The following SLCO3A1 variants were observed in gnomAD, a reference collection of about 807,000 sequenced individuals.
SLCO3A1 encodes the protein solute carrier organic anion transporter family member 3A1.
Under a neutral mutation model 63.1 loss-of-function variants are expected in SLCO3A1, and 27 were observed. The ratio of observed to expected loss-of-function variants is 0.43; its 90% CI spans 0.32 to 0.59. The LOEUF is 0.59. Among genes scored for constraint, SLCO3A1 ranks in the 20% least tolerant of loss-of-function variants. The pLI is 0.09. For missense variants in SLCO3A1, 773 were observed against 945.8 expected (o/e 0.82, Z 2.40); for synonymous variants, 473 against 409.9 (o/e 1.15, Z -1.86).
chr15:91,871,766 T>G (rs866398988), intron 1 of SLCO3A1, among the ~76,000 whole-genome samples: 1,506 of 11,444 alleles, frequency 0.13, 37 homozygotes, highest in East Asian at 0.35. Context: ...TTTTTTTTGG[T>G]TTTTTTTTTT....
At chr15:92,099,376 G>A (rs1161910881) in intron 3 of SLCO3A1, among the ~76,000 whole-genome samples, 2 of 151,960 alleles carry the variant, frequency 1.3e-5, no homozygotes. Context: ...GTAACTTAAT[G>A]ATACTCTTGG....
At chr15:92,136,914 C>T (rs1021374750) in intron 7 of SLCO3A1, among the ~76,000 whole-genome samples, 5 of 143,168 alleles carry the variant, frequency 3.5e-5, no homozygotes, top group Admixed American at 2.9e-4. Flanking sequence ...AAGGGATGTT[C>T]TTCTACCTTT....
At chr15:92,028,630 T>C (rs931968801) in intron 2 of SLCO3A1, among the ~76,000 whole-genome samples, 1 of 152,104 alleles carries the variant, frequency 6.6e-6, no homozygotes, top group Non-Finnish European at 1.5e-5. Context: ...TAATGCAATA[T>C]TCAGACAGCC....
rs547859670 is a variant in SLCO3A1, at chr15:92,029,786, G to A, written c.647-65095G>A. On this transcript the variant is annotated intron_variant, in intron 2 of 9. Transcript: ENST00000318445. ...TCTGGCCCCAGGATCTGGGCTCCCA[G>A]TGCAGCTGAGGCCTGCTCACTTGGC... 5.8e-5 allele frequency among the ~76,000 whole-genome samples: 7 copies of A among 121,328 alleles called. No homozygotes were observed. The East Asian group carries it at 1.0e-3, about 18-fold the overall frequency. 79.6% of individuals were successfully genotyped at this position (121,328 alleles called of 152,430 possible).
intron 2 of SLCO3A1, among the ~76,000 whole-genome samples, chr15:91,940,053 TG>T (rs1899564974): frequency 6.6e-6 from 1 of 152,106 alleles, no homozygotes; most frequent in African/African-American, 2.4e-5. Flanking sequence ...ATGTTCCCAT[TG>T]GGCCCTAAGC....
At chr15:91,953,791 G>A (rs11855968) in intron 2 of SLCO3A1, among the ~76,000 whole-genome samples, 3,678 of 152,194 alleles carry the variant, frequency 0.024, 152 homozygotes, top group African/African-American at 0.084. Context: ...CCACACTGCT[G>A]TGACTCTGGG....
At chr15:91,945,636 G>A (rs1194305444) in intron 2 of SLCO3A1, among the ~76,000 whole-genome samples, 1 of 152,224 alleles carries the variant, frequency 6.6e-6, no homozygotes, top group African/African-American at 2.4e-5. Flanking sequence ...GAGTTGGAGA[G>A]GTGGCCACAG....
chr15:91,877,261 G>A (rs187578017), intron 1 of SLCO3A1, among the ~76,000 whole-genome samples: 1 of 152,228 alleles, frequency 6.6e-6, no homozygotes, highest in Non-Finnish European at 1.5e-5. Context: ...GATGATGGCT[G>A]TTCTCCTTGT....
intron 2 of SLCO3A1, among the ~76,000 whole-genome samples, chr15:92,075,509 A>G (rs985417142): frequency 1.3e-5 from 2 of 152,230 alleles, no homozygotes; most frequent in African/African-American, 4.8e-5. Flanking sequence ...GTGGGAACTC[A>G]TGCTGAAGCT....
intron 3 of SLCO3A1, among the ~76,000 whole-genome samples, chr15:92,097,256 AG>A (rs199719991): frequency 0.027 from 4,174 of 152,322 alleles, 91 homozygotes; most frequent in Admixed American, 0.048. Context: ...AGAGAGGGGA[AG>A]GGATGTCCCC....
At chr15:92,008,963 A>C (rs1019975738) in intron 2 of SLCO3A1, among the ~76,000 whole-genome samples, 4 of 152,252 alleles carry the variant, frequency 2.6e-5, no homozygotes, top group Admixed American at 2.6e-4. Context: ...TCTGATGTGT[A>C]AAATGATTTT....
chr15:92,056,123 T>A (rs1278467061), intron 2 of SLCO3A1, among the ~76,000 whole-genome samples: 2 of 152,180 alleles, frequency 1.3e-5, no homozygotes, highest in African/African-American at 4.8e-5. Flanking sequence ...TAGTAACACC[T>A]GGGGCTTGCA....
intron 1 of SLCO3A1, among the ~76,000 whole-genome samples, chr15:91,910,980 G>T (rs1898467260): frequency 6.6e-6 from 1 of 152,110 alleles, no homozygotes; most frequent in Non-Finnish European, 1.5e-5. Context: ...GTGTTTTTTT[G>T]TTAAGTGAAT....
Position 91,882,877 on chromosome 15 carries a change from A to C in SLCO3A1, c.180+28789A>C, listed in dbSNP as rs933904347. Reference sequence around the variant, plus strand: ...GAATATGTGCGATAAGTATAACCTCATCAAGATTTCCTTGCAATTAGGTAT... The same window carrying C: ...GAATATGTGCGATAAGTATAACCTCCTCAAGATTTCCTTGCAATTAGGTAT... On this transcript the variant is annotated intron_variant, in intron 1 of 9. Transcript: ENST00000318445. The surrounding 1 kb of genome is among the most constrained non-coding windows in gnomAD (Gnocchi z 4.4). 4.8e-5 allele frequency among the ~76,000 whole-genome samples: 6 copies of C among 126,160 alleles called. No individual in the cohort carries two copies. The highest frequency in any genetic ancestry group is 1.9e-4 in the African/African-American group (6 of 32,016). 82.8% of individuals were successfully genotyped at this position (126,160 alleles called of 152,430 possible). A position where few individuals can be genotyped will look rare whatever the true frequency, so the allele number is the denominator to read the frequency against.
chr15:92,030,740 T>C (rs1034248040), intron 2 of SLCO3A1, among the ~76,000 whole-genome samples: 1 of 152,100 alleles, frequency 6.6e-6, no homozygotes, highest in Non-Finnish European at 1.5e-5. Context: ...GGTGCCCACC[T>C]CTCCATAGCC....
chr15:92,084,506 A>T (rs1229006341), intron 2 of SLCO3A1, among the ~76,000 whole-genome samples: 2 of 152,124 alleles, frequency 1.3e-5, no homozygotes, highest in African/African-American at 4.8e-5. Context: ...CTTGACACCG[A>T]TCCTCCCTCA....
chr15:92,136,010 A>T (rs1161365355), intron 7 of SLCO3A1, among the ~76,000 whole-genome samples: 1 of 152,186 alleles, frequency 6.6e-6, no homozygotes, highest in Non-Finnish European at 1.5e-5. Context: ...CTCTGAAAAG[A>T]TAAAAAATGA....
chr15:92,099,442 T>C (rs2047577898), intron 3 of SLCO3A1, among the ~76,000 whole-genome samples: 1 of 89,678 alleles, frequency 1.1e-5, no homozygotes, highest in South Asian at 4.2e-4. Context: ...AATGGGTAAA[T>C]GAACTACAAA....
At chr15:92,159,806 C>T (rs2151602119) in intron 9 of SLCO3A1, among the ~76,000 whole-genome samples, 1 of 152,260 alleles carries the variant, frequency 6.6e-6, no homozygotes, top group East Asian at 1.9e-4. Flanking sequence ...ACTTAGAAGA[C>T]AACCAAGTAT....
Sources: gnomAD v4.1 joint callset for allele counts (sites outside exome capture counted in the v4.1 genomes callset) on GRCh38, gnomAD v4.1.1 for gene constraint, Gnocchi (gnomAD v3.1) non-coding constraint, MANE v1.5 for transcripts, NCBI Gene and HGNC (gene_info 2026-07-23, HGNC 2026-07-21) for gene names.